TENM4: variants seen among roughly 807,000 people sequenced by gnomAD.
TENM4 encodes teneurin transmembrane protein 4, also known as teneurin-4.
Under a neutral mutation model 243.3 loss-of-function variants are expected in TENM4, and 82 were observed. The observed-to-expected ratio is 0.34, with a 90% CI of 0.28 to 0.40. The LOEUF is 0.40. Ranked by LOEUF, TENM4 falls within the 10% of genes least tolerant of loss-of-function variation. The probability of loss-of-function intolerance (pLI) is 1.00; values close to 1 mark genes in which losing one functional copy is unlikely to be tolerated. For synonymous variants in TENM4, 1,412 were observed against 1,456.3 expected, an observed-to-expected ratio of 0.97 and a Z score of 0.69; for missense variants, 3,138 against 3,673.3, an observed-to-expected ratio of 0.85 and a Z score of 3.77.
chr11:79,141,031 G>C (rs1162390254), intron 4 of TENM4, among the ~76,000 whole-genome samples: 1 of 152,022 alleles, frequency 6.6e-6, no homozygotes, highest in Non-Finnish European at 1.5e-5. Flanking sequence ...GCTAGACGGA[G>C]CCTATTAATG....
chr11:79,391,023 G>A (rs1004537224), intron 1 of TENM4, among the ~76,000 whole-genome samples: 1 of 152,174 alleles, frequency 6.6e-6, no homozygotes, highest in East Asian at 1.9e-4. Context: ...TTTTACATAA[G>A]AGGCAGCGTC....
rs536961809 is a variant in TENM4, at chr11:79,213,093, G to T, written c.-163+2715C>A. Among the ~76,000 whole-genome samples, 71 of 152,168 alleles carry T rather than the reference G, an allele frequency of 4.7e-4. 2 individuals carry two copies. The highest frequency in any genetic ancestry group is 8.2e-4 in the Non-Finnish European group (56 of 68,040). ...GATAATGTCTGTGCCATGTGGTGAA[G>T]GGACCTCACCCTCCTGGGCAGGCAG... On this transcript the variant is annotated intron_variant, in intron 3 of 33. Coordinates refer to ENST00000278550, the MANE Select transcript of TENM4 (RefSeq NM_001098816.3).
intron 9 of TENM4, among the ~76,000 whole-genome samples, chr11:78,888,960 A>G (rs1855604451): frequency 6.6e-6 from 1 of 152,182 alleles, no homozygotes; most frequent in African/African-American, 2.4e-5. Context: ...GCTACACAAC[A>G]CCCACAGATC....
At chr11:79,353,032 C>A (rs1288273609) in intron 1 of TENM4, among the ~76,000 whole-genome samples, 1 of 152,126 alleles carries the variant, frequency 6.6e-6, no homozygotes, top group South Asian at 2.1e-4. Flanking sequence ...AACAAGATCA[C>A]TTCTTAAATG....
At chr11:79,287,172 T>C (rs544741228) in intron 2 of TENM4, among the ~76,000 whole-genome samples, 5 of 152,200 alleles carry the variant, frequency 3.3e-5, no homozygotes, top group Non-Finnish European at 7.3e-5. Flanking sequence ...GAAGACTAAG[T>C]CTTGGAGGGA....
chr11:79,077,471 G>A (rs188931399), intron 4 of TENM4, among the ~76,000 whole-genome samples: 109 of 152,276 alleles, frequency 7.2e-4, no homozygotes, highest in African/African-American at 2.5e-3. Context: ...GTAAAAATAC[G>A]CTTATATTGC....
chr11:78,846,547 G>A (rs147060009), intron 12 of TENM4, among the ~76,000 whole-genome samples: 8 of 152,296 alleles, frequency 5.3e-5, no homozygotes, highest in African/African-American at 1.4e-4. Context: ...GTCTGTCCCC[G>A]TTAAAGCATC....
At chr11:78,967,641 G>T (rs955181395) in intron 6 of TENM4, among the ~76,000 whole-genome samples, 1 of 152,190 alleles carries the variant, frequency 6.6e-6, no homozygotes, top group African/African-American at 2.4e-5. Context: ...GTTCACGTGG[G>T]CAAATAAGGA....
intron 1 of TENM4, among the ~76,000 whole-genome samples, chr11:79,322,848 A>G (rs930766982): frequency 6.6e-6 from 1 of 152,210 alleles, no homozygotes; most frequent in African/African-American, 2.4e-5. Context: ...TAAAATTGAG[A>G]AGAGATACAA....
intron 1 of TENM4, among the ~76,000 whole-genome samples, chr11:79,350,425 T>C (rs1857395055): frequency 6.8e-6 from 1 of 146,486 alleles, no homozygotes; most frequent in African/African-American, 2.5e-5. Flanking sequence ...TTTCCTTTCT[T>C]GGCTTTTTTT....
chr11:78,821,651 G>T (rs929512641), intron 12 of TENM4, among the ~76,000 whole-genome samples: 3 of 152,182 alleles, frequency 2.0e-5, no homozygotes, highest in East Asian at 1.9e-4. Flanking sequence ...AAAGATTAAA[G>T]AACTTGAAAC....
At chr11:78,844,892 C>T (rs1319968191) in intron 12 of TENM4, among the ~76,000 whole-genome samples, 1 of 152,194 alleles carries the variant, frequency 6.6e-6, no homozygotes. Context: ...CAGACTAACA[C>T]ACTCCTTTAT....
At chr11:79,129,176 C>A (rs746707132) in intron 4 of TENM4, among the ~76,000 whole-genome samples, 1 of 152,008 alleles carries the variant, frequency 6.6e-6, no homozygotes, top group Non-Finnish European at 1.5e-5. Context: ...GAGAGCTGAG[C>A]AAAATACAGG....
At chr11:78,722,956 A>C (rs776681908) in intron 23 of TENM4, 39 bp from the exon 24 acceptor site, 1 of 1,601,972 alleles carries the variant, frequency 6.2e-7, no homozygotes, top group East Asian at 2.2e-5. Flanking sequence ...GTGGAGCAGG[A>C]AATGGGTATC....
At chr11:78,885,364 C>G (rs1238279646) in intron 9 of TENM4, among the ~76,000 whole-genome samples, 4 of 152,156 alleles carry the variant, frequency 2.6e-5, no homozygotes, top group Non-Finnish European at 5.9e-5. Flanking sequence ...CCTTTGGAGA[C>G]AAAAATACAT....
chr11:79,155,572 A>G (rs1290975932), intron 3 of TENM4, among the ~76,000 whole-genome samples: 1 of 152,020 alleles, frequency 6.6e-6, no homozygotes, highest in Non-Finnish European at 1.5e-5. Context: ...TTTAAATAAT[A>G]GTTGATGTTT....
At chr11:79,435,714 G>T (rs989639320) in intron 1 of TENM4, among the ~76,000 whole-genome samples, 1 of 152,176 alleles carries the variant, frequency 6.6e-6, no homozygotes, top group Non-Finnish European at 1.5e-5. Context: ...TGCACCACTG[G>T]TGCTTATCAA....
chr11:78,791,903 G>T (rs1857063826), intron 15 of TENM4, among the ~76,000 whole-genome samples: 2 of 152,194 alleles, frequency 1.3e-5, no homozygotes, highest in African/African-American at 4.8e-5. Flanking sequence ...AATTAATGGA[G>T]GAGGGCTGGG....
intron 2 of TENM4, among the ~76,000 whole-genome samples, chr11:79,229,769 C>G (rs1351468971): frequency 6.6e-6 from 1 of 152,180 alleles, no homozygotes; most frequent in East Asian, 1.9e-4. Context: ...TGACACACAG[C>G]AGGCACTCAA....
Sources: allele counts gnomAD v4.1 joint callset (sites outside exome capture counted in the v4.1 genomes callset), GRCh38; gene constraint gnomAD v4.1.1; transcripts MANE v1.5; gene names NCBI Gene and HGNC (gene_info 2026-07-23, HGNC 2026-07-21).